The following ADGRL3 variants were observed in gnomAD, a reference collection of about 807,000 sequenced individuals.
ADGRL3 encodes calcium-independent alpha-latrotoxin receptor 3.
ADGRL3 carries 62 observed loss-of-function variants against 153.5 expected under a neutral mutation model. The ratio of observed to expected loss-of-function variants is 0.40; its 90% CI spans 0.33 to 0.50. The LOEUF is 0.50. Among genes scored for constraint, ADGRL3 ranks in the 20% least tolerant of loss-of-function variants. The probability of loss-of-function intolerance (pLI) is 0.47; values close to 1 mark genes in which losing one functional copy is unlikely to be tolerated. For synonymous variants in ADGRL3, 710 were observed against 672.5 expected, an observed-to-expected ratio of 1.06 and a Z score of -0.86; for missense variants, 1,641 against 1,859.4, an observed-to-expected ratio of 0.88 and a Z score of 2.16.
chr4:61,873,135 A>G (rs1181249433), intron 9 of ADGRL3, among the ~76,000 whole-genome samples: 1 of 152,222 alleles, frequency 6.6e-6, no homozygotes, highest in Non-Finnish European at 1.5e-5. Context: ...GTGAAAGCTA[A>G]TAATTAGTGA....
chr4:61,842,941 AT>A (rs1045242178), intron 9 of ADGRL3, among the ~76,000 whole-genome samples: 1 of 152,186 alleles, frequency 6.6e-6, no homozygotes, highest in Non-Finnish European at 1.5e-5. Context: ...GCTGTTACAA[AT>A]TGCTTTCAGT....
chr4:61,881,186 C>T (rs1024451412), intron 9 of ADGRL3, among the ~76,000 whole-genome samples: 2 of 152,006 alleles, frequency 1.3e-5, no homozygotes, highest in Non-Finnish European at 2.9e-5. Flanking sequence ...CAAAATAGGG[C>T]CTTACATTTT....
At chr4:61,549,544 A>G (rs2098730774) in intron 4 of ADGRL3, among the ~76,000 whole-genome samples, 1 of 151,962 alleles carries the variant, frequency 6.6e-6, no homozygotes, top group African/African-American at 2.4e-5. Flanking sequence ...TCTCTGACAA[A>G]CAGGTTTACC....
chr4:61,226,177 G>A (rs1028541067), intron 1 of ADGRL3, among the ~76,000 whole-genome samples: 1 of 151,792 alleles, frequency 6.6e-6, no homozygotes, highest in Admixed American at 6.6e-5. Flanking sequence ...TTTCTAAACA[G>A]TTACAATTAT....
intron 1 of ADGRL3, among the ~76,000 whole-genome samples, chr4:61,313,680 T>C (rs1256107706): frequency 6.6e-6 from 1 of 152,178 alleles, no homozygotes; most frequent in Non-Finnish European, 1.5e-5. Flanking sequence ...TTACCAAACT[T>C]CTAAATTAAG....
chr4:61,529,241 C>G (rs1173471912), intron 4 of ADGRL3, among the ~76,000 whole-genome samples: 1 of 152,138 alleles, frequency 6.6e-6, no homozygotes. Flanking sequence ...CTTATGAGTT[C>G]TGGATATGTT....
At chr4:61,973,704 TA>T (rs1249484508) in intron 17 of ADGRL3, among the ~76,000 whole-genome samples, 2 of 152,074 alleles carry the variant, frequency 1.3e-5, no homozygotes, top group Non-Finnish European at 2.9e-5. Flanking sequence ...TATTTTTTTT[TA>T]ATGAGTTTTC....
chr4:62,037,058 T>C (rs965223288), intron 23 of ADGRL3, among the ~76,000 whole-genome samples: 4 of 152,154 alleles, frequency 2.6e-5, no homozygotes, highest in Non-Finnish European at 5.9e-5. Context: ...ATTATATTTC[T>C]CTGTGATTAT....
chr4:61,597,040 TC>T (rs941201247), intron 5 of ADGRL3, among the ~76,000 whole-genome samples: 45 of 152,136 alleles, frequency 3.0e-4, no homozygotes, highest in African/African-American at 1.1e-3. Flanking sequence ...TTTTTTTTTT[TC>T]ATGCATAAGG....
intron 5 of ADGRL3, among the ~76,000 whole-genome samples, chr4:61,658,941 G>T (rs1241428215): frequency 6.6e-6 from 1 of 152,136 alleles, no homozygotes; most frequent in Non-Finnish European, 1.5e-5. Context: ...TGCTTTGACA[G>T]TTCTAGCGGC....
intron 17 of ADGRL3, among the ~76,000 whole-genome samples, chr4:61,969,281 G>A (rs951077675): frequency 3.9e-5 from 6 of 152,016 alleles, no homozygotes; most frequent in Non-Finnish European, 7.4e-5. Context: ...TCAAAAGAGC[G>A]TTGATTTTTT....
intron 12 of ADGRL3, among the ~76,000 whole-genome samples, chr4:61,911,503 C>A (rs2098721616): frequency 1.3e-5 from 2 of 152,110 alleles, no homozygotes; most frequent in Non-Finnish European, 2.9e-5. Flanking sequence ...TGCTTGCTGG[C>A]TTGCTCTCAT....
At chr4:61,859,676 A>G (rs1190906488) in intron 9 of ADGRL3, among the ~76,000 whole-genome samples, 1 of 152,194 alleles carries the variant, frequency 6.6e-6, no homozygotes, top group African/African-American at 2.4e-5. Flanking sequence ...AAGTTTTAAA[A>G]CACTATTAGA....
At chr4:61,843,643 T>C (rs1057406807) in intron 9 of ADGRL3, among the ~76,000 whole-genome samples, 9 of 152,316 alleles carry the variant, frequency 5.9e-5, no homozygotes, top group African/African-American at 2.2e-4. Context: ...ATCCTTTTAA[T>C]AAGTCATTGT....
intron 4 of ADGRL3, among the ~76,000 whole-genome samples, chr4:61,547,748 A>C (rs2098720722): frequency 6.6e-6 from 1 of 152,088 alleles, no homozygotes; most frequent in Admixed American, 6.6e-5. Context: ...AGAACAATTT[A>C]TATTCCTTTG....
intron 4 of ADGRL3, among the ~76,000 whole-genome samples, chr4:61,530,889 C>G (rs2098608788): frequency 6.6e-6 from 1 of 152,102 alleles, no homozygotes; most frequent in African/African-American, 2.4e-5. Context: ...TTATCACATT[C>G]TCTTTAATTA....
intron 1 of ADGRL3, among the ~76,000 whole-genome samples, chr4:61,210,670 T>C (rs2148845015): frequency 6.6e-6 from 1 of 152,368 alleles, no homozygotes; most frequent in South Asian, 2.1e-4. Flanking sequence ...AGGGTTCAAC[T>C]GTTTTTCATT....
At chr4:61,601,490 A>G (rs932983449) in intron 5 of ADGRL3, among the ~76,000 whole-genome samples, 4 of 152,232 alleles carry the variant, frequency 2.6e-5, no homozygotes, top group Admixed American at 2.6e-4. Context: ...CCCATGGAGA[A>G]CAATAAACTT....
At chr4:61,432,564 CTTTCTCTTCCTTTCTTTCTTTCTT>C (rs2097368207) in intron 2 of ADGRL3, among the ~76,000 whole-genome samples, 1 of 32,748 alleles carries the variant, frequency 3.1e-5, no homozygotes, top group African/African-American at 3.8e-5. Context: ...GATTTCTTTT[CTTTCTCTTCCTTTCTTTCTTTCTT>C]TCTTTCTTTC....
Sources: allele counts gnomAD v4.1 joint callset (sites outside exome capture counted in the v4.1 genomes callset), GRCh38; gene constraint gnomAD v4.1.1; transcripts MANE v1.5; gene names NCBI Gene and HGNC (gene_info 2026-07-23, HGNC 2026-07-21).